STAG1: variants seen among roughly 807,000 people sequenced by gnomAD.
The protein encoded by STAG1 is cohesin subunit SA-1.
STAG1 carries 26 observed loss-of-function variants against 170.9 expected under a neutral mutation model. The observed-to-expected ratio is 0.15, with a 90% CI of 0.11 to 0.21. The LOEUF is 0.21. Ranked by LOEUF, STAG1 falls within the 10% of genes least tolerant of loss-of-function variation. The pLI is 1.00. For missense variants in STAG1, 964 were observed against 1,509.5 expected (o/e 0.64, Z 5.99); for synonymous variants, 514 against 497.7 (o/e 1.03, Z -0.44).
intron 26 of STAG1, 27 bp downstream of exon 26, chr3:136,363,339 T>C: frequency 8.4e-7 from 1 of 1,190,874 alleles, no homozygotes; most frequent in Non-Finnish European, 1.2e-6. Context: ...TTTCCATTCT[T>C]TGTCTCCCTC....
rs961468769 is a variant in STAG1, at chr3:136,502,241, A to G, written c.828+387T>C. ...ATATGAAAATGTCATTGTAAAACTG[A>G]GACCAATCTTATTCATAGGAGTGCC... On this transcript the variant is annotated intron_variant, in intron 8 of 33. Coordinates refer to ENST00000383202, the MANE Select transcript of STAG1 (RefSeq NM_005862.3). 2.6e-5 allele frequency among the ~76,000 whole-genome samples: 4 copies of G among 152,190 alleles called. No individual in the cohort carries two copies. The East Asian group carries it at 7.7e-4, about 29-fold the overall frequency.
intron 21 of STAG1, among the ~76,000 whole-genome samples, chr3:136,414,883 T>C (rs1325105239): frequency 6.6e-6 from 1 of 152,218 alleles, no homozygotes; most frequent in Non-Finnish European, 1.5e-5. Context: ...AATTTCAATA[T>C]TGTTTTGTCT....
intron 1 of STAG1, among the ~76,000 whole-genome samples, chr3:136,693,041 T>C (rs979351999): frequency 6.6e-6 from 1 of 152,256 alleles, no homozygotes; most frequent in Non-Finnish European, 1.5e-5. Flanking sequence ...TCCAGTGAAC[T>C]ATCCAGTTTA....
chr3:136,526,245 T>C (rs898624900), intron 6 of STAG1, among the ~76,000 whole-genome samples: 2 of 152,160 alleles, frequency 1.3e-5, no homozygotes, highest in African/African-American at 4.8e-5. Context: ...CTCTTGTAGG[T>C]CTCTAAGGAC....
At chr3:136,548,914 C>T (rs1025735143) in intron 5 of STAG1, among the ~76,000 whole-genome samples, 5 of 151,988 alleles carry the variant, frequency 3.3e-5, no homozygotes, top group Non-Finnish European at 7.4e-5. Context: ...TGTATAGTAC[C>T]TCTCCTCCCT....
chr3:136,740,691 G>A (rs999550903), intron 1 of STAG1, among the ~76,000 whole-genome samples: 2 of 152,074 alleles, frequency 1.3e-5, no homozygotes, highest in African/African-American at 2.4e-5. Flanking sequence ...ATGTTGCCCA[G>A]GCTTGTCTGA....
rs777468543 is a variant in STAG1, at chr3:136,551,003, G to C, written c.395-8808C>G. 9.9e-5 allele frequency among the ~76,000 whole-genome samples: 15 copies of C among 152,054 alleles called. No individual in the cohort carries two copies. In the East Asian group the frequency reaches 2.9e-3, roughly 29 times the overall value. ...GATTATTAATCATGAACATCTAGAT[G>C]CAAGTGTTTGTCAGTTTTCTCCTTT... On this transcript the variant is annotated intron_variant, in intron 5 of 33. Transcript: ENST00000383202.
intron 23 of STAG1, among the ~76,000 whole-genome samples, chr3:136,376,507 C>T (rs1430384027): frequency 6.6e-6 from 1 of 152,094 alleles, no homozygotes; most frequent in African/African-American, 2.4e-5. Flanking sequence ...AGTATAGGGA[C>T]TCAGAAACTC....
intron 1 of STAG1, among the ~76,000 whole-genome samples, chr3:136,694,809 A>G (rs1045701789): frequency 5.9e-5 from 9 of 152,088 alleles, no homozygotes; most frequent in African/African-American, 1.9e-4. Context: ...ATAAAGGGAA[A>G]AGTTTTTGTA....
intron 7 of STAG1, among the ~76,000 whole-genome samples, chr3:136,506,983 ATTAT>A (rs1460465258): frequency 2.6e-5 from 4 of 152,326 alleles, no homozygotes; most frequent in Admixed American, 2.0e-4. Context: ...AAAAGAATGT[ATTAT>A]TTATTTTTAC....
intron 4 of STAG1, among the ~76,000 whole-genome samples, chr3:136,578,690 G>A (rs984634164): frequency 6.6e-6 from 1 of 152,184 alleles, no homozygotes; most frequent in Non-Finnish European, 1.5e-5. Flanking sequence ...ATTAATTCCT[G>A]GGGATTCAAA....
At chr3:136,378,982 T>C (rs929317856) in intron 22 of STAG1, among the ~76,000 whole-genome samples, 5 of 152,246 alleles carry the variant, frequency 3.3e-5, no homozygotes, top group Admixed American at 6.5e-5. Context: ...CTTAGTCTTT[T>C]TGGGGATCTT....
At chr3:136,547,102 C>A (rs987981646) in intron 5 of STAG1, among the ~76,000 whole-genome samples, 1 of 152,164 alleles carries the variant, frequency 6.6e-6, no homozygotes, top group Non-Finnish European at 1.5e-5. Context: ...AGGAATTTTT[C>A]TTAACTGAAT....
At chr3:136,405,499 C>G (rs192736397) in intron 21 of STAG1, among the ~76,000 whole-genome samples, 358 of 151,902 alleles carry the variant, frequency 2.4e-3, no homozygotes, top group Non-Finnish European at 3.8e-3. Flanking sequence ...GTATCGACCT[C>G]TCAAAGTGCT....
intron 5 of STAG1, among the ~76,000 whole-genome samples, chr3:136,561,499 A>G (rs1936838743): frequency 6.6e-6 from 1 of 152,218 alleles, no homozygotes; most frequent in South Asian, 2.1e-4. Context: ...CTTGAAAAGG[A>G]GGTCTTTAAA....
At chr3:136,534,153 C>A (rs909580862) in intron 6 of STAG1, among the ~76,000 whole-genome samples, 1 of 152,070 alleles carries the variant, frequency 6.6e-6, no homozygotes. Flanking sequence ...ATATACACTG[C>A]GGGATGGACA....
chr3:136,441,285 A>C (rs956839871), intron 15 of STAG1, among the ~76,000 whole-genome samples: 1 of 152,106 alleles, frequency 6.6e-6, no homozygotes, highest in African/African-American at 2.4e-5. Context: ...CACCTACCTC[A>C]GCCTCCCAAA....
At chr3:136,614,420 T>C (rs1357750979) in intron 3 of STAG1, among the ~76,000 whole-genome samples, 2 of 152,120 alleles carry the variant, frequency 1.3e-5, no homozygotes, top group Non-Finnish European at 2.9e-5. Context: ...TCAAGGGACA[T>C]AGTGATTTTA....
At chr3:136,473,323 C>A (rs1037205542) in intron 11 of STAG1, among the ~76,000 whole-genome samples, 1 of 152,066 alleles carries the variant, frequency 6.6e-6, no homozygotes, top group Admixed American at 6.6e-5. Flanking sequence ...AAATGTAATG[C>A]ACTTGAATCA....
Sources: allele counts gnomAD v4.1 joint callset (sites outside exome capture counted in the v4.1 genomes callset), GRCh38; gene constraint gnomAD v4.1.1; transcripts MANE v1.5; gene names NCBI Gene and HGNC (gene_info 2026-07-23, HGNC 2026-07-21).